CYTIP: variants seen among roughly 807,000 people sequenced by gnomAD.
CYTIP encodes the protein cytohesin 1 interacting protein, also known as cytohesin-interacting protein.
In CYTIP, 26 loss-of-function variants were observed where a neutral mutation model predicts 43.8. That is an observed-to-expected ratio of 0.59 (90% CI 0.44 to 0.82). CYTIP has a LOEUF of 0.82. Ranked by LOEUF, CYTIP falls within the 40% of genes least tolerant of loss-of-function variation. CYTIP has a pLI of 0.00. For missense variants in CYTIP, 426 were observed against 443.1 expected, an observed-to-expected ratio of 0.96 and a Z score of 0.35; for synonymous variants, 162 against 162.9, an observed-to-expected ratio of 0.99 and a Z score of 0.04.
At chr2:157,434,904 G>A (rs956326818) in intron 1 of CYTIP, among the ~76,000 whole-genome samples, 157 bp from the exon 2 acceptor site, 3 of 86,814 alleles carry the variant, frequency 3.5e-5, no homozygotes, top group Admixed American at 2.6e-4. Flanking sequence ...CACACAACCT[G>A]TTCTTTACCA....
In CYTIP at chr2:157,430,917, T is replaced by C. The variant is rs755128414; in HGVS notation, c.325A>G (p.Thr109Ala). Reference sequence around the variant, plus strand: ...TCCTCCTGTATTTTGCATATCAAAGTGAACATTTCCGAGGAGCAGGCATTC... The same window carrying C: ...TCCTCCTGTATTTTGCATATCAAAGCGAACATTTCCGAGGAGCAGGCATTC... ...NQNACSSEMF[T>A]LICKIQEDSP... Residue 109 changes from threonine to alanine, a missense_variant, in exon 4 of 8, where the codon ACT becomes GCT. Physicochemically the swap from Thr to Ala is moderately conservative, Grantham distance 58 (BLOSUM62 0). Coordinates refer to ENST00000264192, the MANE Select transcript of CYTIP (RefSeq NM_004288.5). 4 of 1,613,920 alleles carry C rather than the reference T, an allele frequency of 2.5e-6. No homozygotes were observed. In the East Asian group the frequency reaches 8.9e-5, roughly 36 times the overall value.
intron 1 of CYTIP, among the ~76,000 whole-genome samples, chr2:157,436,228 C>T (rs183740811): frequency 2.0e-5 from 3 of 152,134 alleles, no homozygotes. Context: ...GGAATGCCTA[C>T]AAGGATTGGT....
chr2:157,420,865 G>A (rs1254173606), intron 6 of CYTIP, among the ~76,000 whole-genome samples: 1 of 152,078 alleles, frequency 6.6e-6, no homozygotes, highest in Admixed American at 6.5e-5. Context: ...CATAGGGATA[G>A]GTCAACAGTA....
chr2:157,442,864 A>C (rs1483277794), intron 1 of CYTIP, among the ~76,000 whole-genome samples: 7 of 152,208 alleles, frequency 4.6e-5, no homozygotes, highest in African/African-American at 1.2e-4. Flanking sequence ...TGCAAGACTT[A>C]AGCGCAAAAA....
intron 3 of CYTIP, among the ~76,000 whole-genome samples, chr2:157,432,433 A>G (rs943765084): frequency 7.9e-5 from 12 of 152,208 alleles, no homozygotes; most frequent in African/African-American, 2.9e-4. Context: ...AGACACAAAG[A>G]TCTCATTGTC....
intron 6 of CYTIP, among the ~76,000 whole-genome samples, chr2:157,422,137 C>G (rs112857797): frequency 6.6e-6 from 1 of 152,132 alleles, no homozygotes; most frequent in Non-Finnish European, 1.5e-5. Flanking sequence ...CTGAGCCAAA[C>G]AGCTCACTGA....
chr2:157,430,710 C>A, intron 4 of CYTIP, 58 bp from the exon 5 acceptor site: 1 of 1,538,496 alleles, frequency 6.5e-7, no homozygotes, highest in South Asian at 1.1e-5. Flanking sequence ...TCCCTCCTGA[C>A]ATGCAAATGA....
At chr2:157,434,803 A>T in intron 1 of CYTIP, 56 bp from the exon 2 acceptor site, 1 of 1,102,104 alleles carries the variant, frequency 9.1e-7, no homozygotes, top group South Asian at 1.3e-5. Context: ...ACACTGTAAA[A>T]TGTTCTAAAT....
chr2:157,419,020 CA>C (rs1045321301), intron 6 of CYTIP, among the ~76,000 whole-genome samples: 1 of 152,120 alleles, frequency 6.6e-6, no homozygotes, highest in Non-Finnish European at 1.5e-5. Context: ...ATTTTTAGAA[CA>C]GTGACTAGAA....
intron 6 of CYTIP, among the ~76,000 whole-genome samples, chr2:157,423,976 G>A (rs968480753): frequency 8.5e-5 from 13 of 152,236 alleles, no homozygotes; most frequent in East Asian, 3.9e-4. Flanking sequence ...AGCAAACTTC[G>A]TATAGAAGGG....
intron 7 of CYTIP, among the ~76,000 whole-genome samples, chr2:157,416,876 A>G (rs531407401): frequency 6.6e-6 from 1 of 152,252 alleles, no homozygotes; most frequent in South Asian, 2.1e-4. Context: ...ATCCTTAACA[A>G]CGTACATCTG....
chr2:157,414,771 C>A lies in CYTIP; in HGVS notation c.*906G>T, dbSNP rs181761581. 1.3e-5 allele frequency: 2 copies of A among 151,910 alleles called. No individual in the cohort carries two copies. The highest frequency in any genetic ancestry group is 4.8e-5 in the African/African-American group (2 of 41,342). 9.4% of individuals were successfully genotyped at this position (151,910 alleles called of 1,614,324 possible). On this transcript the variant is annotated 3_prime_UTR_variant, in exon 8 of 8. Coordinates refer to ENST00000264192, the MANE Select transcript of CYTIP (RefSeq NM_004288.5). ...TTGAAAGGCTAGAAGTAATGTGATA[C>A]TAACATAACCAATAGGCAAAAGACT...
intron 5 of CYTIP, among the ~76,000 whole-genome samples, chr2:157,429,380 C>T (rs1310235875): frequency 6.6e-6 from 1 of 152,214 alleles, no homozygotes; most frequent in East Asian, 1.9e-4. Context: ...GAAAAGACCA[C>T]TTTACACATC....
At chr2:157,429,556 C>T (rs747240455) in intron 5 of CYTIP, among the ~76,000 whole-genome samples, 10 of 152,160 alleles carry the variant, frequency 6.6e-5, no homozygotes, top group Non-Finnish European at 1.5e-4. Flanking sequence ...TCTTTATCTT[C>T]GTCTCTCCTG....
Position 157,415,602 on chromosome 2 carries a change from TCCCA to T in CYTIP, c.*71_*74del. Reference sequence around the variant, plus strand: ...TCAGTTTTGCAATTCTTCTGCACTTTCCCACCAAGCTGGGATCTGGGTGAGTCTA... The same window carrying T: ...TCAGTTTTGCAATTCTTCTGCACTTTCCAAGCTGGGATCTGGGTGAGTCTA... On this transcript the variant is annotated 3_prime_UTR_variant, in exon 8 of 8. Coordinates refer to ENST00000264192, the MANE Select transcript of CYTIP (RefSeq NM_004288.5). 2 of 1,026,066 alleles carry T rather than the reference TCCCA, an allele frequency of 1.9e-6. No homozygotes were observed. Among genetic ancestry groups the T allele is most frequent in the South Asian group, 3.1e-5 (2 of 63,770 alleles). The allele number at this position is 1,026,066 out of a possible 1,614,324, so 63.6% of individuals were successfully genotyped here.
At chr2:157,418,872 T>C (rs1409005150) in intron 6 of CYTIP, among the ~76,000 whole-genome samples, 1 of 152,182 alleles carries the variant, frequency 6.6e-6, no homozygotes, top group Non-Finnish European at 1.5e-5. Context: ...TTAATAAGAT[T>C]ATTTGGGTTT....
At chr2:157,437,940 A>G (rs1573862720) in intron 1 of CYTIP, among the ~76,000 whole-genome samples, 4 of 152,146 alleles carry the variant, frequency 2.6e-5, no homozygotes, top group Admixed American at 2.6e-4. Context: ...GTAAATTAGT[A>G]CAGCCACTAT....
At chr2:157,419,080 C>T (rs1213758695) in intron 6 of CYTIP, among the ~76,000 whole-genome samples, 2 of 152,256 alleles carry the variant, frequency 1.3e-5, no homozygotes, top group Admixed American at 6.5e-5. Context: ...AGCCCAAAGA[C>T]CTCCACCTCC....
chr2:157,420,854 G>A (rs1000464971), intron 6 of CYTIP, among the ~76,000 whole-genome samples: 1 of 152,136 alleles, frequency 6.6e-6, no homozygotes, highest in Non-Finnish European at 1.5e-5. Flanking sequence ...CAGTTGAGGA[G>A]CATAGGGATA....
Sources: allele counts gnomAD v4.1 joint callset (sites outside exome capture counted in the v4.1 genomes callset), GRCh38; gene constraint gnomAD v4.1.1; transcripts MANE v1.5; gene names NCBI Gene and HGNC (gene_info 2026-07-23, HGNC 2026-07-21).